The following ZMYM4 variants were observed in gnomAD, a reference collection of about 807,000 sequenced individuals.
ZMYM4 encodes zinc finger MYM-type containing 4.
In ZMYM4, 31 loss-of-function variants were observed where a neutral mutation model predicts 183.2. The observed-to-expected ratio is 0.17, with a 90% CI of 0.13 to 0.23. ZMYM4 has a LOEUF of 0.23. Among genes scored for constraint, ZMYM4 ranks in the 10% least tolerant of loss-of-function variants. The pLI is 1.00. For synonymous variants in ZMYM4, 592 were observed against 631.2 expected (o/e 0.94, Z 0.93); for missense variants, 1,273 against 1,840.3 (o/e 0.69, Z 5.64).
chr1:35,285,897 A>G (rs1292097514), intron 1 of ZMYM4, among the ~76,000 whole-genome samples: 1 of 152,168 alleles, frequency 6.6e-6, no homozygotes, highest in Non-Finnish European at 1.5e-5. Flanking sequence ...AATTTCCTCA[A>G]CATGATAAAG....
chr1:35,314,664 A>ATTTTG (rs1553166298), intron 1 of ZMYM4, among the ~76,000 whole-genome samples: 13 of 88,926 alleles, frequency 1.5e-4, no homozygotes, highest in Non-Finnish European at 2.2e-4. Context: ...TTCAAAAATG[A>ATTTTG]TTTTTTTTTT....
Position 35,405,549 on chromosome 1 carries a change from A to G in ZMYM4, c.3796+81A>G, listed in dbSNP as rs997150753. On this transcript the variant is annotated intron_variant, in intron 25 of 29. Transcript: ENST00000314607. The stretch of plus-strand genomic sequence containing the variant: ...TAAATTTGTAAATTGAATATTTAAA[A>G]TTATTTAAAATTTAGAGTATTAAGG... 7 of 1,107,032 alleles carry G rather than the reference A, an allele frequency of 6.3e-6. No homozygotes were observed. The African/African-American group carries it at 9.7e-5, about 15-fold the overall frequency. 68.6% of individuals were successfully genotyped at this position (1,107,032 alleles called of 1,614,324 possible).
At chr1:35,274,105 C>A (rs980946370) in intron 1 of ZMYM4, among the ~76,000 whole-genome samples, 5 of 152,024 alleles carry the variant, frequency 3.3e-5, no homozygotes, top group African/African-American at 1.2e-4. Flanking sequence ...TCTTTTCTGT[C>A]TTTTTGCTAA....
intron 2 of ZMYM4, among the ~76,000 whole-genome samples, chr1:35,345,291 T>TA (rs1643350709): frequency 6.6e-6 from 1 of 152,222 alleles, no homozygotes; most frequent in South Asian, 2.1e-4. Flanking sequence ...GTAAAGTTGT[T>TA]AATCATTCTT....
intron 1 of ZMYM4, among the ~76,000 whole-genome samples, chr1:35,280,260 T>TTC (rs140943218): frequency 4.2e-4 from 54 of 129,212 alleles, no homozygotes; most frequent in South Asian, 4.0e-3. Context: ...CTTTCTCTCT[T>TTC]TCTCTCTCTC....
intron 2 of ZMYM4, among the ~76,000 whole-genome samples, chr1:35,339,590 G>A (rs1161629963): frequency 6.6e-6 from 1 of 152,172 alleles, no homozygotes; most frequent in South Asian, 2.1e-4. Flanking sequence ...TATAGATTAT[G>A]TGCAAATACT....
intron 5 of ZMYM4, among the ~76,000 whole-genome samples, chr1:35,363,087 A>G (rs1186421231): frequency 6.6e-6 from 1 of 152,142 alleles, no homozygotes; most frequent in Non-Finnish European, 1.5e-5. Flanking sequence ...GAGGAGAATC[A>G]CTTGAACCAG....
chr1:35,392,797 C>T (rs1644735055), intron 17 of ZMYM4, 113 bp downstream of exon 17: 1 of 708,036 alleles, frequency 1.4e-6, no homozygotes, highest in Non-Finnish European at 2.2e-6. Flanking sequence ...AAATAGATTT[C>T]ATTAGCTCAT....
intron 26 of ZMYM4, among the ~76,000 whole-genome samples, chr1:35,410,681 C>T (rs1433841510): frequency 4.1e-5 from 6 of 146,778 alleles, no homozygotes; most frequent in African/African-American, 1.3e-4. Context: ...CCAGTAGAGA[C>T]GGGGTTTCAC....
chr1:35,288,492 C>T (rs568338076), intron 1 of ZMYM4, among the ~76,000 whole-genome samples: 19 of 152,322 alleles, frequency 1.2e-4, no homozygotes, highest in African/African-American at 3.6e-4. Context: ...GCTACTATCA[C>T]GCTAGCTTTG....
chr1:35,352,298 C>T (rs1257302412), intron 2 of ZMYM4, among the ~76,000 whole-genome samples: 1 of 150,234 alleles, frequency 6.7e-6, no homozygotes, highest in Non-Finnish European at 1.5e-5. Context: ...CACACACACA[C>T]ACACACACAC....
At position 35,318,054 on chromosome 1, in the gene ZMYM4, G is replaced by GTT. The variant is rs58071694; in HGVS notation, c.40-7285_40-7284dup. Among the ~76,000 whole-genome samples the GTT allele has an allele frequency of 8.9e-3, 1,039 of 116,508 alleles. 19 individuals carry two copies. The highest frequency in any genetic ancestry group is 0.011 in the African/African-American group (311 of 28,086). 76.4% of individuals were successfully genotyped at this position (116,508 alleles called of 152,430 possible). Reference sequence around the variant, plus strand: ...TTCAAATTTAGAAGGGATTATGGCAGTTTTTTTTTTTTTTTTTTTTTTGAG... The same window carrying GTT: ...TTCAAATTTAGAAGGGATTATGGCAGTTTTTTTTTTTTTTTTTTTTTTTTGAG... On this transcript the variant is annotated intron_variant, in intron 1 of 29. Transcript: ENST00000314607.
intron 7 of ZMYM4, among the ~76,000 whole-genome samples, chr1:35,377,760 A>G (rs144126220): frequency 1.1e-4 from 16 of 152,348 alleles, no homozygotes; most frequent in Admixed American, 2.6e-4. Context: ...TCTTGTTTCA[A>G]TGTTGATGGC....
intron 2 of ZMYM4, among the ~76,000 whole-genome samples, chr1:35,347,261 C>G (rs903214676): frequency 6.6e-6 from 1 of 152,216 alleles, no homozygotes; most frequent in African/African-American, 2.4e-5. Flanking sequence ...CCGGCCTCGG[C>G]CTCCCAAAGT....
At chr1:35,352,386 G>GCGCGCGCA (rs1231646476) in intron 2 of ZMYM4, among the ~76,000 whole-genome samples, 43 of 128,472 alleles carry the variant, frequency 3.3e-4, no homozygotes, top group African/African-American at 1.2e-3. Context: ...AAAAATTAGC[G>GCGCGCGCA]CACACACACA....
chr1:35,372,990 C>T lies in ZMYM4; in HGVS notation c.1181+2363C>T, dbSNP rs376437237. On this transcript the variant is annotated intron_variant, in intron 7 of 29. Coordinates refer to ENST00000314607, the MANE Select transcript of ZMYM4 (RefSeq NM_005095.3). ...CTGGCCAACATGGTGAAACCTCCAT[C>T]TCTGGTAAAAATACAAAAATTAGCT... Among the ~76,000 whole-genome samples, 69 of 152,120 alleles carry T rather than the reference C, an allele frequency of 4.5e-4. 1 individual carries two copies. Among genetic ancestry groups the T allele is most frequent in the African/African-American group, 1.6e-3 (67 of 41,522 alleles).
chr1:35,372,005 G>C (rs1644225053), intron 7 of ZMYM4, among the ~76,000 whole-genome samples: 1 of 152,024 alleles, frequency 6.6e-6, no homozygotes, highest in African/African-American at 2.4e-5. Flanking sequence ...TTTTTGTTTT[G>C]GGACTATCTT....
At chr1:35,411,976 G>A (rs1177317444) in intron 26 of ZMYM4, among the ~76,000 whole-genome samples, 2 of 151,818 alleles carry the variant, frequency 1.3e-5, no homozygotes, top group Non-Finnish European at 2.9e-5. Context: ...TCCGCCTCCT[G>A]GGTTCAACGC....
chr1:35,272,742 T>A (rs1260131872), intron 1 of ZMYM4, among the ~76,000 whole-genome samples: 1 of 152,204 alleles, frequency 6.6e-6, no homozygotes, highest in Non-Finnish European at 1.5e-5. Flanking sequence ...GGAGTCTTGC[T>A]CTGTCGCCCA....
Sources: gnomAD v4.1 joint callset for allele counts (sites outside exome capture counted in the v4.1 genomes callset) on GRCh38, gnomAD v4.1.1 for gene constraint, MANE v1.5 for transcripts, NCBI Gene and HGNC (gene_info 2026-07-23, HGNC 2026-07-21) for gene names.